The following SENP7 variants were observed in gnomAD, a reference collection of about 807,000 sequenced individuals.
The protein encoded by SENP7 is SUMO specific peptidase 7.
In SENP7, 64 loss-of-function variants were observed where a neutral mutation model predicts 141.2. That is an observed-to-expected ratio of 0.45 (90% CI 0.37 to 0.56). SENP7 has a LOEUF of 0.56. SENP7 is among the 20% of genes least tolerant of loss of function. SENP7 has a pLI of 0.00. For missense variants in SENP7, 1,025 were observed against 1,212.2 expected (o/e 0.85, Z 2.29); for synonymous variants, 382 against 426.4 (o/e 0.90, Z 1.28).
chr3:101,511,011 A>C (rs2065835932), intron 1 of SENP7, among the ~76,000 whole-genome samples: 1 of 152,202 alleles, frequency 6.6e-6, no homozygotes. Context: ...TAAGAAAAGC[A>C]GAAGCATACT....
intron 6 of SENP7, among the ~76,000 whole-genome samples, chr3:101,380,438 C>CA (rs2060465093): frequency 1.0e-5 from 1 of 96,468 alleles, no homozygotes; most frequent in Non-Finnish European, 2.3e-5. Context: ...AACCACCGCC[C>CA]CCCCCCCCAC....
intron 5 of SENP7, among the ~76,000 whole-genome samples, chr3:101,408,553 ATCCAACAACATG>A (rs1559781953): frequency 6.6e-6 from 1 of 152,238 alleles, no homozygotes; most frequent in Non-Finnish European, 1.5e-5. Context: ...AGCTATCTGA[ATCCAACAACATG>A]TCAAAAAGAT....
chr3:101,489,904 G>A (rs2064892974), intron 3 of SENP7, among the ~76,000 whole-genome samples: 1 of 152,164 alleles, frequency 6.6e-6, no homozygotes, highest in African/African-American at 2.4e-5. Context: ...CCAAGCCCAG[G>A]CCGGGCACAG....
chr3:101,336,039 A>G (rs2059176333), intron 17 of SENP7, among the ~76,000 whole-genome samples: 1 of 152,206 alleles, frequency 6.6e-6, no homozygotes, highest in African/African-American at 2.4e-5. Flanking sequence ...GCCTCCTATT[A>G]TTCTCACAAG....
chr3:101,402,616 C>CAAAAAAAAA (rs58525002), intron 5 of SENP7, among the ~76,000 whole-genome samples: 27 of 93,640 alleles, frequency 2.9e-4, no homozygotes, highest in African/African-American at 9.9e-4. Context: ...GACTCCGTCT[C>CAAAAAAAAA]AAAAAAAAAA....
At chr3:101,357,442 G>GA (rs2059774792) in intron 11 of SENP7, 1 of 1,044,132 alleles carries the variant, frequency 9.6e-7, no homozygotes, top group African/African-American at 1.6e-5. Flanking sequence ...CTTTGACTAC[G>GA]AAGAGACATA....
At chr3:101,472,058 T>G (rs1430641916) in intron 3 of SENP7, among the ~76,000 whole-genome samples, 1 of 152,220 alleles carries the variant, frequency 6.6e-6, no homozygotes, top group Admixed American at 6.5e-5. Flanking sequence ...TTGGTGGGAA[T>G]GTAAATTAGT....
At chr3:101,496,020 AAAT>A (rs1331702513) in intron 2 of SENP7, among the ~76,000 whole-genome samples, 1 of 152,218 alleles carries the variant, frequency 6.6e-6, no homozygotes, top group East Asian at 1.9e-4. Flanking sequence ...AGATTTCAGA[AAAT>A]AATGTTCATG....
At chr3:101,504,343 C>T (rs2065507154) in intron 1 of SENP7, among the ~76,000 whole-genome samples, 1 of 151,124 alleles carries the variant, frequency 6.6e-6, no homozygotes, top group Admixed American at 6.6e-5. Flanking sequence ...CCTATAATCC[C>T]AGCTACTCAG....
At position 101,324,513 on chromosome 3, in the gene SENP7, A is replaced by G. The variant is rs1450665684; in HGVS notation, c.*1430T>C. 1.3e-5 allele frequency: 2 copies of G among 152,056 alleles called. No homozygotes were observed. The highest frequency in any genetic ancestry group is 2.9e-5 in the Non-Finnish European group (2 of 67,962). 9.4% of individuals were successfully genotyped at this position (152,056 alleles called of 1,614,324 possible). On this transcript the variant is annotated 3_prime_UTR_variant, in exon 24 of 24. Coordinates refer to ENST00000394095, the MANE Select transcript of SENP7 (RefSeq NM_020654.5). ...TAAAAGTACCCCCCAACACACACAAATTGGGAATGAAATATGTAATTATAG... is the reference window on the plus strand; with the variant it reads ...TAAAAGTACCCCCCAACACACACAAGTTGGGAATGAAATATGTAATTATAG...
Position 101,324,364 on chromosome 3 carries a change from C to T in SENP7, c.*1579G>A, listed in dbSNP as rs551461066. ...TTTAGGAAAATGAATTTTAAACAATCTTCAAAACATGATAAAGGACAGTGA... is the reference window on the plus strand; with the variant it reads ...TTTAGGAAAATGAATTTTAAACAATTTTCAAAACATGATAAAGGACAGTGA... On this transcript the variant is annotated 3_prime_UTR_variant, in exon 24 of 24. Coordinates refer to ENST00000394095, the MANE Select transcript of SENP7 (RefSeq NM_020654.5). 1 of 152,106 alleles carries T rather than the reference C, an allele frequency of 6.6e-6. No individual in the cohort carries two copies. The highest frequency in any genetic ancestry group is 1.5e-5 in the Non-Finnish European group (1 of 67,948). 9.4% of individuals were successfully genotyped at this position (152,106 alleles called of 1,614,324 possible). A position where few individuals can be genotyped will look rare whatever the true frequency, so the allele number is the denominator to read the frequency against.
chr3:101,352,260 T>C (rs985358099), intron 11 of SENP7, among the ~76,000 whole-genome samples: 1 of 152,038 alleles, frequency 6.6e-6, no homozygotes, highest in African/African-American at 2.4e-5. Context: ...AAAAATTCAG[T>C]TGTTTAATGT....
chr3:101,363,623 T>A lies in SENP7; in HGVS notation c.1476+1211A>T, dbSNP rs115541875. On this transcript the variant is annotated intron_variant, in intron 10 of 23. Transcript: ENST00000394095. ...CAATAATGACACTTTTAATTATATA[T>A]ACAACTAAACCATCAAGTAGGATAT... 9.4e-3 allele frequency among the ~76,000 whole-genome samples: 1,434 copies of A among 152,326 alleles called. 27 individuals are homozygous for A. Among genetic ancestry groups the A allele is most frequent in the African/African-American group, 0.032 (1,349 of 41,554 alleles).
rs1350771593 is a variant in SENP7 at position 101,366,456 on chromosome 3, T to A, written c.1292A>T (p.Asn431Ile). 1 of 1,609,054 alleles carries A rather than the reference T, an allele frequency of 6.2e-7. No homozygotes were observed. Among genetic ancestry groups the A allele is most frequent in the South Asian group, 1.1e-5 (1 of 90,228 alleles). The change falls in exon 9 of 24, where the codon AAC becomes ATC. Residue 431 changes from asparagine to isoleucine, a missense_variant. Physicochemically the swap from Asn to Ile is moderately radical, Grantham distance 149. Around this residue, in one of 4 missense-constraint regions of SENP7, gnomAD observed 496 missense variants for 503.5 expected, o/e 0.99. Transcript: ENST00000394095. ...TGGTTCAGCTGAGATCAGTGATTGG[T>A]TCCCTTCATTATGTCCTCTTAGAAT... ...KPILRGHNEG[N>I]QSLISAEPIV...
chr3:101,338,684 A>G (rs6772988), intron 16 of SENP7, among the ~76,000 whole-genome samples: 60,297 of 151,954 alleles, frequency 0.4, 12,482 homozygotes, highest in Admixed American at 0.54. Context: ...GTACCCAGGG[A>G]TAGGGAAAGA....
intron 6 of SENP7, among the ~76,000 whole-genome samples, chr3:101,376,741 A>C (rs1453039686): frequency 6.6e-6 from 1 of 152,214 alleles, no homozygotes; most frequent in Non-Finnish European, 1.5e-5. Flanking sequence ...ATATGTAACA[A>C]ACCTGCACGT....
chr3:101,419,890 A>G (rs1205017835), intron 4 of SENP7, among the ~76,000 whole-genome samples: 5 of 152,216 alleles, frequency 3.3e-5, no homozygotes, highest in African/African-American at 1.2e-4. Flanking sequence ...GGGCTTACAA[A>G]TTATTCTTCT....
At chr3:101,387,682 C>T (rs1189349779) in intron 6 of SENP7, among the ~76,000 whole-genome samples, 1 of 152,204 alleles carries the variant, frequency 6.6e-6, no homozygotes, top group Non-Finnish European at 1.5e-5. Flanking sequence ...CATCAGGGAG[C>T]ATGAGGACAG....
intron 9 of SENP7, 53 bp from the exon 10 acceptor site, chr3:101,365,044 ATTTT>A: frequency 8.5e-7 from 1 of 1,178,838 alleles, no homozygotes; most frequent in Non-Finnish European, 1.1e-6. Context: ...TTATTTATTT[ATTTT>A]TTGAGACACA....
Sources: allele counts gnomAD v4.1 joint callset (sites outside exome capture counted in the v4.1 genomes callset), GRCh38; gene constraint gnomAD v4.1.1; regional missense constraint gnomAD v4.1.1; transcripts MANE v1.5; gene names NCBI Gene and HGNC (gene_info 2026-07-23, HGNC 2026-07-21).